Variants in ABCB10 observed in about 807,000 individuals in gnomAD.
The protein encoded by ABCB10 is ATP binding cassette subfamily B member 10.
A neutral mutation model predicts 65.4 loss-of-function variants in ABCB10; 54 were observed. The ratio of observed to expected loss-of-function variants is 0.83; its 90% CI spans 0.66 to 1.04. ABCB10 has a LOEUF of 1.04. Ranked by LOEUF, ABCB10 falls within the 50% of genes least tolerant of loss-of-function variation. The pLI, the probability that ABCB10 is intolerant of heterozygous loss-of-function variation, is 0.00. For missense variants in ABCB10, 846 were observed against 976.6 expected, an observed-to-expected ratio of 0.87 and a Z score of 1.78; for synonymous variants, 418 against 406.5, an observed-to-expected ratio of 1.03 and a Z score of -0.34.
intron 1 of ABCB10, among the ~76,000 whole-genome samples, chr1:229,553,704 T>C (rs1037828152): frequency 1.3e-5 from 2 of 151,234 alleles, no homozygotes; most frequent in Non-Finnish European, 3.0e-5. Flanking sequence ...TTGGTCAGCA[T>C]TGGGTCGGAA....
intron 3 of ABCB10, 143 bp downstream of exon 3, chr1:229,547,356 A>C (rs1662993972): frequency 2.4e-6 from 2 of 847,158 alleles, no homozygotes; most frequent in African/African-American, 3.5e-5. Context: ...CCCACGTTCC[A>C]GCAGCTTCTG....
chr1:229,530,211 C>A lies in ABCB10; in HGVS notation c.1633G>T (p.Asp545Tyr). Reference protein sequence around the residue: ...TVLSLLLRLYDPASGTISLDG... With the variant: ...TVLSLLLRLYYPASGTISLDG... ...GTGAACTGCTTACCAGAAGCAGGGT[C>A]GTACAACCTCAGCAGGAGTGAAAGC... Residue 545 changes from aspartate to tyrosine, a missense_variant, in exon 8 of 13, where the codon GAC becomes TAC. Asp to Tyr is a radical substitution (Grantham distance 160). Transcript: ENST00000344517. The A allele has an allele frequency of 6.2e-7, 1 of 1,613,838 alleles. No homozygotes were observed. Among genetic ancestry groups the A allele is most frequent in the South Asian group, 1.1e-5 (1 of 91,066 alleles).
At chr1:229,555,228 A>C (rs1353534811) in intron 1 of ABCB10, among the ~76,000 whole-genome samples, 2 of 151,958 alleles carry the variant, frequency 1.3e-5, no homozygotes, top group Non-Finnish European at 2.9e-5. Flanking sequence ...CCCCTAACTC[A>C]CTCAGGTCAG....
intron 11 of ABCB10, among the ~76,000 whole-genome samples, chr1:229,519,790 G>T (rs1476520631): frequency 7.0e-6 from 1 of 142,546 alleles, no homozygotes; most frequent in Non-Finnish European, 1.5e-5. Flanking sequence ...CTCTGTCTCA[G>T]AAAATAAATA....
chr1:229,518,986 T>G (rs1380280779), intron 11 of ABCB10, 111 bp from the exon 12 acceptor site: 3 of 835,962 alleles, frequency 3.6e-6, no homozygotes, highest in Admixed American at 2.6e-5. Flanking sequence ...TGGATGAGCC[T>G]TGGAAACTTA....
In ABCB10 at chr1:229,558,313, G is replaced by T. The variant is rs1285530604; in HGVS notation, c.340C>A (p.Pro114Thr). The part of the protein sequence containing the change: ...AFAGPGAPRL[P>T]RARFPGGPAA... ...GGACCGCCCGGGAACCGGGCGCGCG[G>T]GAGCCGAGGAGCGCCTGGCCCGGCA... The change falls in exon 1 of 13, where the codon CCG becomes ACG. Residue 114 changes from proline to threonine, a missense_variant. Coordinates refer to ENST00000344517, the MANE Select transcript of ABCB10 (RefSeq NM_012089.3). The T allele has an allele frequency of 1.3e-5, 16 of 1,238,334 alleles. No individual in the cohort carries two copies. Among genetic ancestry groups the T allele is most frequent in the African/African-American group, 1.6e-5 (1 of 62,706 alleles). The allele number at this position is 1,238,334 out of a possible 1,614,324, so 76.7% of individuals were successfully genotyped here.
chr1:229,531,083 C>T (rs1662573013), intron 7 of ABCB10, among the ~76,000 whole-genome samples: 1 of 152,182 alleles, frequency 6.6e-6, no homozygotes, highest in African/African-American at 2.4e-5. Flanking sequence ...GGTTACTACT[C>T]ATAGCCATTT....
At chr1:229,522,778 T>A (rs896936117) in intron 10 of ABCB10, among the ~76,000 whole-genome samples, 5 of 152,222 alleles carry the variant, frequency 3.3e-5, no homozygotes, top group Non-Finnish European at 5.9e-5. Context: ...AAAGAACACT[T>A]GAAATGTCTG....
At position 229,558,573 on chromosome 1, in the gene ABCB10, G is replaced by A. The variant is rs1663325087; in HGVS notation, c.80C>T (p.Ala27Val). 6.9e-7 allele frequency: 1 copy of A among 1,445,586 alleles called. No homozygotes were observed. The highest frequency in any genetic ancestry group is 1.3e-5 in the South Asian group (1 of 76,638). 89.5% of individuals were successfully genotyped at this position (1,445,586 alleles called of 1,614,324 possible). Residue 27 changes from alanine (A) to valine (V), a missense_variant, in exon 1 of 13, where the codon GCC becomes GTC. By Grantham distance (64) the Ala-to-Val change is moderately conservative. This residue lies in a region of ABCB10 where 214 missense variants were observed against 173.5 expected (regional missense o/e 1.23). Coordinates refer to ENST00000344517, the MANE Select transcript of ABCB10 (RefSeq NM_012089.3). ...PAEPGRLLPVACVWAAASRVP... is the reference protein window; with the variant it reads ...PAEPGRLLPVVCVWAAASRVP... Reference sequence around the variant, plus strand: ...GCGGCTGGCCGCGGCCCACACGCAGGCTACCGGCAGGAGCCGACCTGGCTC... The same window carrying A: ...GCGGCTGGCCGCGGCCCACACGCAGACTACCGGCAGGAGCCGACCTGGCTC...
intron 10 of ABCB10, among the ~76,000 whole-genome samples, chr1:229,522,806 T>C (rs1028246842): frequency 6.6e-6 from 1 of 152,178 alleles, no homozygotes; most frequent in South Asian, 2.1e-4. Flanking sequence ...AGGACATCAG[T>C]GGTGCTGAGA....
intron 1 of ABCB10, among the ~76,000 whole-genome samples, chr1:229,556,773 G>A (rs1663257671): frequency 6.6e-6 from 1 of 152,160 alleles, no homozygotes; most frequent in Non-Finnish European, 1.5e-5. Context: ...GGGCGCACCC[G>A]ATGATGCTCA....
At chr1:229,558,070 GC>G in intron 1 of ABCB10, 65 bp downstream of exon 1, 2 of 1,267,488 alleles carry the variant, frequency 1.6e-6, no homozygotes, top group South Asian at 2.3e-5. Flanking sequence ...CCCTCTCGGC[GC>G]CCCGGGACCC....
Position 229,558,494 on chromosome 1 carries a change from G to T in ABCB10, c.159C>A (p.Gly53=). Residue 53 remains glycine, a synonymous_variant, in exon 1 of 13, where the codon GGC becomes GGA. Coordinates refer to ENST00000344517, the MANE Select transcript of ABCB10 (RefSeq NM_012089.3). The part of the protein sequence containing the change: ...FTGLRPARLW[G]AGPALLWGVG... The stretch of plus-strand genomic sequence containing the variant: ...CGCCCCAGAGCAGCGCGGGCCCCGC[G>T]CCCCATAGCCGCGCCGGCCTCAGGC... The T allele has an allele frequency of 7.6e-7, 1 of 1,320,294 alleles. No homozygotes were observed. The highest frequency in any genetic ancestry group is 1.8e-5 in the South Asian group (1 of 55,104). 81.8% of individuals were successfully genotyped at this position (1,320,294 alleles called of 1,614,324 possible).
At position 229,558,622 on chromosome 1, in the gene ABCB10, G is replaced by T; in HGVS notation, c.31C>A (p.Leu11Met). 2 of 1,410,030 alleles carry T rather than the reference G, an allele frequency of 1.4e-6. No homozygotes were observed. The highest frequency in any genetic ancestry group is 1.8e-6 in the Non-Finnish European group (2 of 1,082,090). The allele number at this position is 1,410,030 out of a possible 1,614,324, so 87.3% of individuals were successfully genotyped here. ...TCGGCAGGGCTCGGTGGCTCGAGCA[G>T]CCGCAGCGGCCAGGCAGGGGGGCCT... Reference protein sequence around the residue: MRGPPAWPLRLLEPPSPAEPG... With the variant: MRGPPAWPLRMLEPPSPAEPG... The change falls in exon 1 of 13, where the codon CTG becomes ATG. Residue 11 changes from leucine to methionine, a missense_variant. Around this residue, in one of 2 missense-constraint regions of ABCB10, gnomAD observed 214 missense variants for 173.5 expected, o/e 1.23. Transcript: ENST00000344517.
rs186522111 is a variant in ABCB10, at chr1:229,519,126, G to C, written c.1951-251C>G. On this transcript the variant is annotated intron_variant, in intron 11 of 12. Transcript: ENST00000344517. ...GGGTTCAATGCAGGAAATAAGGAAG[G>C]GGAGTTGCATGGCTGCTAAAGAGTA... 20 of 352,596 alleles carry C rather than the reference G, an allele frequency of 5.7e-5. No individual in the cohort carries two copies. The Admixed American group carries it at 9.4e-4, about 17-fold the overall frequency. The allele number at this position is 352,596 out of a possible 1,614,324, so 21.8% of individuals were successfully genotyped here.
At chr1:229,533,111 G>A (rs1305200601) in intron 6 of ABCB10, among the ~76,000 whole-genome samples, 4 of 151,752 alleles carry the variant, frequency 2.6e-5, no homozygotes, top group Non-Finnish European at 5.9e-5. Flanking sequence ...CTGGTCTCTA[G>A]CCATCCCTTT....
chr1:229,518,527 T>A, intron 12 of ABCB10, 117 bp from the exon 13 acceptor site: 1 of 826,030 alleles, frequency 1.2e-6, no homozygotes, highest in Non-Finnish European at 1.9e-6. Flanking sequence ...AAATTTCAAC[T>A]GTTTAGGACT....
At chr1:229,544,870 C>T (rs1466299510) in intron 3 of ABCB10, among the ~76,000 whole-genome samples, 1 of 152,200 alleles carries the variant, frequency 6.6e-6, no homozygotes, top group East Asian at 1.9e-4. Context: ...GCCTACCAGC[C>T]AAGAGAAAAG....
At chr1:229,539,231 G>A (rs1662786706) in intron 6 of ABCB10, among the ~76,000 whole-genome samples, 1 of 152,194 alleles carries the variant, frequency 6.6e-6, no homozygotes, top group South Asian at 2.1e-4. Context: ...GCTATAAGAG[G>A]CCTGCAAAGA....
Sources: allele counts gnomAD v4.1 joint callset (sites outside exome capture counted in the v4.1 genomes callset), GRCh38; gene constraint gnomAD v4.1.1; regional missense constraint gnomAD v4.1.1; transcripts MANE v1.5; gene names NCBI Gene and HGNC (gene_info 2026-07-23, HGNC 2026-07-21).